Variants in NEK10 observed in about 807,000 individuals in gnomAD.
The protein encoded by NEK10 is serine/threonine-protein kinase Nek10.
A neutral mutation model predicts 159.8 loss-of-function variants in NEK10; 122 were observed. The observed-to-expected ratio is 0.76, with a 90% CI of 0.66 to 0.89. NEK10 has a LOEUF of 0.89. Ranked by LOEUF, NEK10 falls within the 40% of genes least tolerant of loss-of-function variation. The pLI is 0.00. For synonymous variants in NEK10, 466 were observed against 457.1 expected (o/e 1.02, Z -0.25); for missense variants, 1,342 against 1,323.1 (o/e 1.01, Z -0.22).
At chr3:27,311,101 G>T in intron 8 of NEK10, 85 bp from the exon 9 acceptor site, 1 of 815,430 alleles carries the variant, frequency 1.2e-6, no homozygotes. Flanking sequence ...AGTGCATATG[G>T]GCAGGCAGAG....
At chr3:27,266,040 C>T (rs539071397) in intron 22 of NEK10, among the ~76,000 whole-genome samples, 78 of 152,136 alleles carry the variant, frequency 5.1e-4, no homozygotes, top group Non-Finnish European at 8.7e-4. Flanking sequence ...ATCCTGACCT[C>T]GTGATCCACC....
intron 23 of NEK10, among the ~76,000 whole-genome samples, chr3:27,209,846 G>T (rs560180345): frequency 5.5e-4 from 83 of 151,058 alleles, no homozygotes; most frequent in Non-Finnish European, 1.0e-3. Context: ...CAAAGGAACT[G>T]CAAACCACAG....
At chr3:27,293,485 C>T (rs779529976) in intron 16 of NEK10, 103 bp downstream of exon 16, 38 of 568,472 alleles carry the variant, frequency 6.7e-5, no homozygotes, top group East Asian at 4.2e-4. Context: ...TGCATACTGA[C>T]GCATTATTTT....
chr3:27,152,030 C>A lies in NEK10; in HGVS notation c.2870-10448G>T, dbSNP rs572063115. On this transcript the variant is annotated intron_variant, in intron 30 of 35. Coordinates refer to ENST00000691995, the MANE Select transcript of NEK10 (RefSeq NM_001394966.1). Reference sequence around the variant, plus strand: ...CCCAATACCAAGAATAATTGGTATTCCTGAGGAAGAAGAGAATTCTAAAAG... The same window carrying A: ...CCCAATACCAAGAATAATTGGTATTACTGAGGAAGAAGAGAATTCTAAAAG... Among the ~76,000 whole-genome samples the A allele has an allele frequency of 1.3e-5, 2 of 152,154 alleles. 1 individual carries two copies. The highest frequency in any genetic ancestry group is 4.8e-5 in the African/African-American group (2 of 41,508).
chr3:27,243,832 TGTGTGTGTGTGTGTG>T (rs1954799990), intron 23 of NEK10, among the ~76,000 whole-genome samples: 3 of 25,916 alleles, frequency 1.2e-4, no homozygotes, highest in Non-Finnish European at 1.9e-4. Context: ...ACACCATGGG[TGTGTGTGTGTGTGTG>T]TGTGTGTGTG....
In NEK10 at chr3:27,201,557, T is replaced by C; in HGVS notation, c.2244A>G (p.Pro748=). 1.2e-6 allele frequency: 2 copies of C among 1,613,950 alleles called. No homozygotes were observed. The highest frequency in any genetic ancestry group is 1.7e-6 in the Non-Finnish European group (2 of 1,179,848). Residue 748 remains proline (P), a synonymous_variant, in exon 25 of 36, where the codon CCA becomes CCG. Coordinates refer to ENST00000691995, the MANE Select transcript of NEK10 (RefSeq NM_001394966.1). ...ATKIVEAVYE[P]VPEGIYSEKV... ...TTTCAGAGTAGATACCTTCTGGGAC[T>C]GGTTCATATACCGCCTCCACTATCT...
chr3:27,238,041 TGG>T (rs1954134414), intron 23 of NEK10, among the ~76,000 whole-genome samples: 1 of 152,164 alleles, frequency 6.6e-6, no homozygotes, highest in Non-Finnish European at 1.5e-5. Context: ...GTTTTTTATT[TGG>T]GGATTAAGAA....
At chr3:27,162,840 A>G (rs1575062574) in intron 29 of NEK10, 102 bp from the exon 30 acceptor site, 1 of 1,495,524 alleles carries the variant, frequency 6.7e-7, no homozygotes, top group East Asian at 2.3e-5. Flanking sequence ...AGATTAATAG[A>G]GATTATTTTC....
At chr3:27,278,949 G>T (rs568121755) in intron 22 of NEK10, 1 of 983,494 alleles carries the variant, frequency 1.0e-6, no homozygotes, top group Non-Finnish European at 1.2e-6. Flanking sequence ...GGTTTCAAAG[G>T]CTGCAAATAA....
At chr3:27,364,351 TGTGTGTGTG>T (rs2048902320) in intron 1 of NEK10, among the ~76,000 whole-genome samples, 2 of 470 alleles carry the variant, frequency 4.3e-3, no homozygotes, top group Non-Finnish European at 9.0e-3. Context: ...TGGCTAATTG[TGTGTGTGTG>T]TGTGTGTGTG....
At chr3:27,294,492 G>C (rs2043208999) in intron 15 of NEK10, among the ~76,000 whole-genome samples, 1 of 152,126 alleles carries the variant, frequency 6.6e-6, no homozygotes, top group Non-Finnish European at 1.5e-5. Context: ...CCCTCCATCT[G>C]GAATTCTAAA....
chr3:27,361,985 T>C (rs2048718649), intron 1 of NEK10, among the ~76,000 whole-genome samples: 3 of 152,148 alleles, frequency 2.0e-5, no homozygotes, highest in Admixed American at 2.0e-4. Context: ...ATAATGTCTC[T>C]TTGTAAAAGA....
intron 3 of NEK10, among the ~76,000 whole-genome samples, chr3:27,351,946 A>AT (rs976516112): frequency 2.6e-5 from 4 of 151,984 alleles, no homozygotes; most frequent in Admixed American, 6.6e-5. Flanking sequence ...CAGAAGTACC[A>AT]TTTTTTCTCT....
chr3:27,161,960 G>A (rs1017882856), intron 30 of NEK10, among the ~76,000 whole-genome samples: 3 of 151,688 alleles, frequency 2.0e-5, no homozygotes, highest in Admixed American at 6.6e-5. Flanking sequence ...AGCCGAGATC[G>A]TGCCACTGCA....
intron 3 of NEK10, among the ~76,000 whole-genome samples, chr3:27,350,338 T>C (rs982416561): frequency 1.3e-5 from 2 of 152,158 alleles, no homozygotes; most frequent in African/African-American, 4.8e-5. Context: ...TTTCTGTCTC[T>C]TTATAAGCTC....
intron 22 of NEK10, chr3:27,265,642 G>T (rs1321350858): frequency 2.0e-5 from 3 of 152,248 alleles, no homozygotes; most frequent in Admixed American, 6.5e-5. Flanking sequence ...GCTAATCTCT[G>T]TATCACTCCA....
intron 23 of NEK10, among the ~76,000 whole-genome samples, chr3:27,240,240 C>G (rs2149255260): frequency 6.6e-6 from 1 of 152,166 alleles, no homozygotes; most frequent in South Asian, 2.1e-4. Flanking sequence ...AAATTAAATT[C>G]AGATCCAACA....
chr3:27,339,149 G>C (rs1369419236), intron 5 of NEK10, among the ~76,000 whole-genome samples: 1 of 152,156 alleles, frequency 6.6e-6, no homozygotes, highest in Non-Finnish European at 1.5e-5. Context: ...TGTTCACTCT[G>C]AGGATAGTCT....
At chr3:27,177,551 A>G (rs1296102978) in intron 26 of NEK10, among the ~76,000 whole-genome samples, 1 of 135,976 alleles carries the variant, frequency 7.4e-6, no homozygotes, top group East Asian at 1.9e-4. Context: ...GTCTCAAAAA[A>G]AAAAATATAT....
Sources: allele counts gnomAD v4.1 joint callset (sites outside exome capture counted in the v4.1 genomes callset), GRCh38; gene constraint gnomAD v4.1.1; transcripts MANE v1.5; gene names NCBI Gene and HGNC (gene_info 2026-07-23, HGNC 2026-07-21).